The following NDUFAF6 variants were observed in gnomAD, a reference collection of about 807,000 sequenced individuals.
The protein encoded by NDUFAF6 is NADH dehydrogenase (ubiquinone) complex I, assembly factor 6.
NDUFAF6 carries 45 observed loss-of-function variants against 40.8 expected under a neutral mutation model. The observed-to-expected ratio is 1.10, with a 90% CI of 0.87 to 1.42. The LOEUF (loss-of-function observed/expected upper bound fraction) is 1.42, where lower values mean the gene tolerates loss of function less well. Among genes scored for constraint, NDUFAF6 ranks in the 40% most tolerant of loss-of-function variants. NDUFAF6 has a pLI of 0.00. For synonymous variants in NDUFAF6, 185 were observed against 155.9 expected (o/e 1.19, Z -1.39); for missense variants, 435 against 418.5 (o/e 1.04, Z -0.34).
At chr8:95,064,656 G>A (rs1257403751) in intron 9 of NDUFAF6, among the ~76,000 whole-genome samples, 2 of 151,984 alleles carry the variant, frequency 1.3e-5, no homozygotes, top group African/African-American at 4.8e-5. Flanking sequence ...GGCCTCAGAA[G>A]CAGGCCTCGG....
In NDUFAF6 at chr8:95,047,234, A is replaced by G. The variant is rs1830878678; in HGVS notation, c.714+107A>G. 1.2e-5 allele frequency: 18 copies of G among 1,469,732 alleles called. No homozygotes were observed. The Middle Eastern group carries it at 6.8e-4, about 56-fold the overall frequency. The allele number at this position is 1,469,732 out of a possible 1,614,324, so 91.0% of individuals were successfully genotyped here. ...TATTCAAGTAATTGCTTTGAAAGGA[A>G]TGCTTATTGCTTACTAAAAATGGCC... On this transcript the variant is annotated intron_variant, in intron 6 of 8. Coordinates refer to ENST00000396124, the MANE Select transcript of NDUFAF6 (RefSeq NM_152416.4).
At chr8:94,897,518 C>G (rs1406069657) in intron 1 of NDUFAF6, among the ~76,000 whole-genome samples, 1 of 152,120 alleles carries the variant, frequency 6.6e-6, no homozygotes, top group Non-Finnish European at 1.5e-5. Flanking sequence ...GTATATTTCC[C>G]CTATTGTACA....
chr8:94,899,310 A>G (rs1367774576), intron 1 of NDUFAF6, among the ~76,000 whole-genome samples: 1 of 152,242 alleles, frequency 6.6e-6, no homozygotes, highest in Admixed American at 6.5e-5. Context: ...TTGAAGCGTC[A>G]TTGAGACCTC....
At chr8:95,093,365 A>G (rs574633479) in intron 2 of NDUFAF6, among the ~76,000 whole-genome samples, 4 of 152,312 alleles carry the variant, frequency 2.6e-5, no homozygotes, top group Non-Finnish European at 4.4e-5. Flanking sequence ...AAACATGACA[A>G]TGTGTGACAG....
intron 2 of NDUFAF6, among the ~76,000 whole-genome samples, chr8:95,092,296 C>G (rs1444082283): frequency 6.6e-6 from 1 of 151,758 alleles, no homozygotes. Context: ...ATTCTCCCAC[C>G]TCAGCCTCCC....
At chr8:94,899,226 T>C (rs1817856774) in intron 1 of NDUFAF6, among the ~76,000 whole-genome samples, 1 of 152,216 alleles carries the variant, frequency 6.6e-6, no homozygotes, top group Admixed American at 6.5e-5. Flanking sequence ...TCAGGTGAGA[T>C]GCAGTTTTAA....
chr8:95,035,026 C>T (rs527859655), intron 2 of NDUFAF6, among the ~76,000 whole-genome samples: 2 of 152,072 alleles, frequency 1.3e-5, no homozygotes, highest in African/African-American at 2.4e-5. Flanking sequence ...ATTACAGGCA[C>T]CCACCACCAC....
At chr8:95,057,759 T>A (rs76665941) in intron 8 of NDUFAF6, 50 bp from the exon 9 acceptor site, 23 of 1,382,658 alleles carry the variant, frequency 1.7e-5, no homozygotes, top group Middle Eastern at 2.0e-4. Context: ...TTTTTTTTTT[T>A]AAGTCTTGAT....
At chr8:94,997,812 G>T (rs1488280919) in intron 2 of NDUFAF6, among the ~76,000 whole-genome samples, 4 of 152,216 alleles carry the variant, frequency 2.6e-5, no homozygotes, top group Non-Finnish European at 5.9e-5. Flanking sequence ...CAGAGGTCTG[G>T]TGGAAGAAGA....
chr8:95,049,073 C>G (rs763159185), intron 7 of NDUFAF6, among the ~76,000 whole-genome samples: 1 of 152,168 alleles, frequency 6.6e-6, no homozygotes, highest in Non-Finnish European at 1.5e-5. Flanking sequence ...ACTGTTACCT[C>G]GGGCCCTTTC....
intron 2 of NDUFAF6, among the ~76,000 whole-genome samples, chr8:95,019,198 A>C (rs1318099089): frequency 1.3e-5 from 2 of 152,142 alleles, no homozygotes. Flanking sequence ...TTTAGTAGAG[A>C]CAGGGTTTTG....
In NDUFAF6 at chr8:95,116,008, C is replaced by T. The variant is rs1038758249; in HGVS notation, n.547-262C>T. 3.9e-5 allele frequency among the ~76,000 whole-genome samples: 6 copies of T among 152,074 alleles called. 1 individual carries two copies. In the South Asian group the frequency reaches 8.3e-4, roughly 21 times the overall value. The stretch of plus-strand genomic sequence containing the variant: ...CACAAATTAGCCGGGGGTGGTGGCA[C>T]GTGTCTGTAATCCCAGCTATTCGGG... On this transcript the variant is annotated intron_variant and non_coding_transcript_variant, in intron 5 of 5. Coordinates refer to the NDUFAF6 transcript ENST00000523184.
chr8:95,107,514 G>T (rs1809874733), downstream of NDUFAF6, among the ~76,000 whole-genome samples: 1 of 152,118 alleles, frequency 6.6e-6, no homozygotes, highest in South Asian at 2.1e-4. Flanking sequence ...AGCTTTAGGA[G>T]AAATACCTAA....
chr8:95,096,929 G>A (rs1445630071), upstream of NDUFAF6, among the ~76,000 whole-genome samples: 3 of 152,236 alleles, frequency 2.0e-5, no homozygotes, highest in Admixed American at 2.0e-4. Flanking sequence ...AGTGGAGGCA[G>A]AGATGTTGTG....
downstream of NDUFAF6, among the ~76,000 whole-genome samples, chr8:95,117,787 G>A (rs940243092): frequency 6.6e-6 from 1 of 152,214 alleles, no homozygotes; most frequent in African/African-American, 2.4e-5. Flanking sequence ...CAGAGTGATA[G>A]TGGAGGCCAG....
chr8:95,089,095 C>G (rs1021316114), intron 2 of NDUFAF6, among the ~76,000 whole-genome samples: 1 of 151,054 alleles, frequency 6.6e-6, no homozygotes, highest in Non-Finnish European at 1.5e-5. Flanking sequence ...AGGTCTGGCT[C>G]TGTCGTCTAG....
chr8:95,064,478 T>C (rs902326466), intron 9 of NDUFAF6, among the ~76,000 whole-genome samples: 4 of 152,244 alleles, frequency 2.6e-5, no homozygotes, highest in Admixed American at 2.0e-4. Context: ...AGGGAAAATA[T>C]TTTAAAAGTC....
At chr8:95,048,992 G>A (rs1270975553) in intron 7 of NDUFAF6, among the ~76,000 whole-genome samples, 5 of 152,154 alleles carry the variant, frequency 3.3e-5, no homozygotes, top group Admixed American at 1.3e-4. Flanking sequence ...GAATTTACAG[G>A]CAGCCTGTGG....
chr8:95,106,505 A>G (rs139465894), downstream of NDUFAF6, among the ~76,000 whole-genome samples: 1,993 of 152,306 alleles, frequency 0.013, 41 homozygotes, highest in African/African-American at 0.045. Context: ...AGATTGAAAC[A>G]TAAGACCTAA....
Sources: gnomAD v4.1 joint callset for allele counts (sites outside exome capture counted in the v4.1 genomes callset) on GRCh38, gnomAD v4.1.1 for gene constraint, MANE v1.5 for transcripts, NCBI Gene and HGNC (gene_info 2026-07-23, HGNC 2026-07-21) for gene names.